Variants in KANK4 observed in about 807,000 individuals in gnomAD.
The protein encoded by KANK4 is KN motif and ankyrin repeat domains 4.
Under a neutral mutation model 80.8 loss-of-function variants are expected in KANK4, and 50 were observed. That is an observed-to-expected ratio of 0.62 (90% CI 0.49 to 0.78). KANK4 has a LOEUF of 0.78. Ranked by LOEUF, KANK4 falls within the 30% of genes least tolerant of loss-of-function variation. The pLI is 0.00. For missense variants in KANK4, 1,196 were observed against 1,240.1 expected, an observed-to-expected ratio of 0.96 and a Z score of 0.53; for synonymous variants, 465 against 506.9, an observed-to-expected ratio of 0.92 and a Z score of 1.11.
intron 1 of KANK4, among the ~76,000 whole-genome samples, chr1:62,304,412 G>A (rs2149168796): frequency 6.6e-6 from 1 of 151,048 alleles, no homozygotes; most frequent in Middle Eastern, 3.4e-3. Flanking sequence ...GCAAGAAAAG[G>A]GCCAAACATC....
intron 9 of KANK4, among the ~76,000 whole-genome samples, chr1:62,240,925 A>G (rs1671326453): frequency 6.6e-6 from 1 of 152,056 alleles, no homozygotes; most frequent in Non-Finnish European, 1.5e-5. Flanking sequence ...AACTCTAAAC[A>G]GCTCCAAAAA....
At chr1:62,252,349 T>C (rs1671642658) in intron 8 of KANK4, among the ~76,000 whole-genome samples, 1 of 152,240 alleles carries the variant, frequency 6.6e-6, no homozygotes, top group African/African-American at 2.4e-5. Context: ...TCCTGGGGAC[T>C]GGGGCATGAT....
chr1:62,264,488 T>G (rs1258677354), intron 6 of KANK4, among the ~76,000 whole-genome samples: 1 of 152,218 alleles, frequency 6.6e-6, no homozygotes, highest in Non-Finnish European at 1.5e-5. Context: ...TACAACCTTT[T>G]TGATCCTTAC....
At chr1:62,261,442 G>A (rs1256752647) in intron 7 of KANK4, among the ~76,000 whole-genome samples, 2 of 151,722 alleles carry the variant, frequency 1.3e-5, no homozygotes, top group South Asian at 2.1e-4. Flanking sequence ...TTACAGGCGT[G>A]AGCCACCATG....
intron 1 of KANK4, among the ~76,000 whole-genome samples, chr1:62,317,909 G>T (rs2149177755): frequency 6.6e-6 from 1 of 152,230 alleles, no homozygotes; most frequent in Middle Eastern, 3.4e-3. Flanking sequence ...AATCAGTCTG[G>T]TCTGATCCCC....
At chr1:62,301,583 T>A (rs1197034225) in intron 1 of KANK4, among the ~76,000 whole-genome samples, 2 of 151,876 alleles carry the variant, frequency 1.3e-5, no homozygotes, top group Non-Finnish European at 2.9e-5. Context: ...GGCTTTGGAG[T>A]GTGTGGATCC....
intron 6 of KANK4, among the ~76,000 whole-genome samples, chr1:62,263,951 G>A (rs1009522118): frequency 6.6e-6 from 1 of 152,206 alleles, no homozygotes; most frequent in Non-Finnish European, 1.5e-5. Context: ...TGAACGAGAA[G>A]AGTTCCAGAG....
At chr1:62,307,479 C>CAAAAAAA (rs3039730) in intron 1 of KANK4, among the ~76,000 whole-genome samples, 16 of 113,194 alleles carry the variant, frequency 1.4e-4, no homozygotes, top group African/African-American at 5.2e-4. Context: ...GAGACTCTGC[C>CAAAAAAA]AAAAAAAAAA....
chr1:62,284,752 A>G (rs1390141444), intron 1 of KANK4, among the ~76,000 whole-genome samples: 1 of 152,048 alleles, frequency 6.6e-6, no homozygotes, highest in Non-Finnish European at 1.5e-5. Flanking sequence ...TTAGGGCCCA[A>G]CCTCTCTCCA....
chr1:62,318,485 T>C (rs1307992943), intron 1 of KANK4, among the ~76,000 whole-genome samples: 1 of 152,196 alleles, frequency 6.6e-6, no homozygotes, highest in Non-Finnish European at 1.5e-5. Context: ...CAAAGCGCCC[T>C]CGGCGGCGTC....
rs1374085532 is a variant in KANK4, at chr1:62,247,628, C to G, written c.2727G>C (p.Glu909Asp). ...AGCTAAGCAGCGCTTGAACCATGTC[C>G]TCCCTGTCGTGGCTGACTCCCAGCA... ...ALMLGVSHDR[E>D]DMVQALLSCQ... The change falls in exon 9 of 10, where the codon GAG becomes GAC. Residue 909 changes from glutamate (E) to aspartate (D), a missense_variant. By Grantham distance (45) the Glu-to-Asp change is conservative. Transcript: ENST00000371153. 6.2e-7 allele frequency: 1 copy of G among 1,613,944 alleles called. No homozygotes were observed. The highest frequency in any genetic ancestry group is 1.3e-5 in the African/African-American group (1 of 74,926).
At chr1:62,247,310 T>G (rs551198820) in intron 9 of KANK4, among the ~76,000 whole-genome samples, 162 bp downstream of exon 9, 1 of 133,268 alleles carries the variant, frequency 7.5e-6, no homozygotes, top group East Asian at 2.0e-4. Flanking sequence ...GCTACTTTTT[T>G]TTTTTTTTTT....
intron 1 of KANK4, among the ~76,000 whole-genome samples, chr1:62,296,204 C>T (rs1644362128): frequency 6.6e-6 from 1 of 152,214 alleles, no homozygotes; most frequent in Non-Finnish European, 1.5e-5. Context: ...TTTTCTTTCC[C>T]ATCTCTGCTG....
At chr1:62,270,327 G>C (rs912697626) in intron 4 of KANK4, among the ~76,000 whole-genome samples, 1 of 151,958 alleles carries the variant, frequency 6.6e-6, no homozygotes, top group African/African-American at 2.4e-5. Context: ...GATGTTAGTG[G>C]AAGTGGGAAC....
At chr1:62,245,917 G>A (rs1175075441) in intron 9 of KANK4, among the ~76,000 whole-genome samples, 1 of 152,192 alleles carries the variant, frequency 6.6e-6, no homozygotes, top group Non-Finnish European at 1.5e-5. Flanking sequence ...GTGGGAGCCA[G>A]AGACATGGAT....
intron 9 of KANK4, among the ~76,000 whole-genome samples, chr1:62,243,843 C>T (rs1401964365): frequency 2.6e-5 from 4 of 152,172 alleles, no homozygotes; most frequent in South Asian, 2.1e-4. Flanking sequence ...TGGCTTCTCC[C>T]TTCAGGGGTC....
chr1:62,318,216 C>T (rs909848945), intron 1 of KANK4, among the ~76,000 whole-genome samples: 3 of 152,168 alleles, frequency 2.0e-5, no homozygotes, highest in Non-Finnish European at 2.9e-5. Context: ...TCAGGGGGTC[C>T]TCCTCCCTCT....
At position 62,258,682 on chromosome 1, in the gene KANK4, G is replaced by A. The variant is rs1035489350; in HGVS notation, c.2539+4410C>T. 2.0e-5 allele frequency among the ~76,000 whole-genome samples: 3 copies of A among 152,354 alleles called. No homozygotes were observed. In the South Asian group the frequency reaches 6.2e-4, roughly 32 times the overall value. On this transcript the variant is annotated intron_variant, in intron 7 of 9. Coordinates refer to ENST00000371153, the MANE Select transcript of KANK4 (RefSeq NM_181712.5). ...CTAGGAACCAGGAACTGGTCTAGGT[G>A]TTAGGGAAACAGATAAGACAGACAG... is the stretch of plus-strand genomic sequence containing the variant.
chr1:62,274,410 C>A lies in KANK4; in HGVS notation c.694G>T (p.Ala232Ser). ...TRIPELVQEG[A>S]EPPEGVVKVP... ...TTCACCACACCCTCTGGAGGCTCAG[C>A]TCCCTCCTGGACCAGCTCTGGAATC... The change falls in exon 3 of 10, where the codon GCT becomes TCT. Residue 232 changes from alanine (A) to serine (S), a missense_variant. This residue lies in a region of KANK4 where 1,154 missense variants were observed against 1,179.6 expected (regional missense o/e 0.98). Transcript: ENST00000371153. The A allele has an allele frequency of 6.2e-7, 1 of 1,614,212 alleles. No homozygotes were observed. The highest frequency in any genetic ancestry group is 8.5e-7 in the Non-Finnish European group (1 of 1,180,024).
Sources: gnomAD v4.1 joint callset for allele counts (sites outside exome capture counted in the v4.1 genomes callset) on GRCh38, gnomAD v4.1.1 for gene constraint, gnomAD v4.1.1 regional missense constraint, MANE v1.5 for transcripts, NCBI Gene and HGNC (gene_info 2026-07-23, HGNC 2026-07-21) for gene names.